Variants in PIK3C2A observed in about 807,000 individuals in gnomAD.
PIK3C2A encodes phosphatidylinositol 4-phosphate 3-kinase C2 domain-containing subunit alpha.
PIK3C2A carries 97 observed loss-of-function variants against 204.5 expected under a neutral mutation model. The observed-to-expected ratio is 0.47, with a 90% confidence interval of 0.40 to 0.56. The LOEUF (loss-of-function observed/expected upper bound fraction) is 0.56. PIK3C2A is among the 20% of genes least tolerant of loss of function. The pLI is 0.00. For missense variants in PIK3C2A, 1,735 were observed against 1,969.2 expected (o/e 0.88, Z 2.25); for synonymous variants, 653 against 664.4 (o/e 0.98, Z 0.26).
At chr11:17,101,742 C>T (rs1479556557) in intron 24 of PIK3C2A, among the ~76,000 whole-genome samples, 12 of 151,488 alleles carry the variant, frequency 7.9e-5, no homozygotes, top group East Asian at 2.0e-4. Flanking sequence ...TAGCCGGGAC[C>T]ACAGGGGCCC....
chr11:17,188,187 A>C (rs1851819977), intron 1 of PIK3C2A, among the ~76,000 whole-genome samples: 1 of 151,030 alleles, frequency 6.6e-6, no homozygotes, highest in South Asian at 2.1e-4. Context: ...AAAATACAAA[A>C]ATTAGCTGGG....
intron 2 of PIK3C2A, among the ~76,000 whole-genome samples, chr11:17,168,416 T>C (rs1460651703): frequency 6.6e-6 from 1 of 151,898 alleles, no homozygotes. Context: ...CCCGTCTCTA[T>C]TAAAAATACA....
chr11:17,110,373 C>G (rs575146927), intron 22 of PIK3C2A, 59 bp downstream of exon 22: 2 of 1,332,754 alleles, frequency 1.5e-6, no homozygotes, highest in East Asian at 2.4e-5. Context: ...ACGGCAGGTA[C>G]ACTTTAAGCT....
chr11:17,167,406 T>C (rs1851001433), intron 2 of PIK3C2A, among the ~76,000 whole-genome samples: 1 of 152,126 alleles, frequency 6.6e-6, no homozygotes, highest in Non-Finnish European at 1.5e-5. Flanking sequence ...GCTGATCACC[T>C]GAGGTCGGGA....
rs1430160925 is a variant in PIK3C2A at position 17,100,255 on chromosome 11, G to A, written c.4009-286C>T. On this transcript the variant is annotated intron_variant, in intron 25 of 32. Transcript: ENST00000691414. ...TAGGCTCTTTTTTTGGGGGCGGGGG[G>A]GGGGGGCAGGGAGCCGGGTGCGATC... 4.1e-4 allele frequency among the ~76,000 whole-genome samples: 49 copies of A among 119,118 alleles called. 1 individual carries two copies. Among genetic ancestry groups the A allele is most frequent in the Admixed American group, 3.7e-3 (43 of 11,488 alleles). 78.1% of individuals were successfully genotyped at this position (119,118 alleles called of 152,430 possible).
chr11:17,122,124 A>AGTCC, intron 15 of PIK3C2A, 64 bp downstream of exon 15: 1 of 953,220 alleles, frequency 1.0e-6, no homozygotes, highest in South Asian at 1.5e-5. Context: ...ATTTAATGTA[A>AGTCC]GTCCTAACTT....
rs2137249438 is a variant in PIK3C2A at position 17,086,891 on chromosome 11, C to T, written c.*2847G>A. The T allele has an allele frequency of 6.6e-6, 1 of 152,090 alleles. No homozygotes were observed. The highest frequency in any genetic ancestry group is 2.4e-5 in the African/African-American group (1 of 41,514). 9.4% of individuals were successfully genotyped at this position (152,090 alleles called of 1,614,324 possible). A position where few individuals can be genotyped will look rare whatever the true frequency, so the allele number is the denominator to read the frequency against. On this transcript the variant is annotated 3_prime_UTR_variant, in exon 33 of 33. Coordinates refer to ENST00000691414, the MANE Select transcript of PIK3C2A (RefSeq NM_002645.4). ...ATATTTGAATCCTAGAAAGAATAGG[C>T]AACTAATTTAAGGCAAGATATTGAA...
At chr11:17,118,069 T>A (rs1208822162) in intron 18 of PIK3C2A, among the ~76,000 whole-genome samples, 1 of 115,252 alleles carries the variant, frequency 8.7e-6, no homozygotes, top group Non-Finnish European at 1.9e-5. Context: ...AAGTTCAATT[T>A]TTTTTTCTTT....
Position 17,155,579 on chromosome 11 carries a change from T to C in PIK3C2A, c.1116A>G (p.Gln372=). 6.2e-7 allele frequency: 1 copy of C among 1,609,132 alleles called. No homozygotes were observed. Among genetic ancestry groups the C allele is most frequent in the Non-Finnish European group, 8.5e-7 (1 of 1,176,356 alleles). The change falls in exon 3 of 33, where the codon CAA becomes CAG. Residue 372 remains glutamine (Q), a synonymous_variant. Transcript: ENST00000691414. ...SSLPTGSSLL[Q]EVEVQNEEMA... ...TCTCCTCATTCTGTACTTCAACTTC[T>C]TGAAGAAGAGAACTTCCAGTTGGCA...
At chr11:17,205,030 A>C (rs907483263) in intron 1 of PIK3C2A, among the ~76,000 whole-genome samples, 1 of 151,728 alleles carries the variant, frequency 6.6e-6, no homozygotes, top group African/African-American at 2.4e-5. Context: ...TACAAAACTT[A>C]GGTGGGTGTG....
chr11:17,198,470 T>C (rs1042320279), intron 1 of PIK3C2A, among the ~76,000 whole-genome samples: 3 of 152,162 alleles, frequency 2.0e-5, no homozygotes, highest in African/African-American at 7.2e-5. Flanking sequence ...TTCTCATCTG[T>C]AAAACACAGA....
At chr11:17,159,044 A>T (rs1213537095) in intron 2 of PIK3C2A, among the ~76,000 whole-genome samples, 2 of 152,310 alleles carry the variant, frequency 1.3e-5, no homozygotes, top group Middle Eastern at 3.4e-3. Flanking sequence ...TTTCTGGAAT[A>T]AAAAATACAT....
At chr11:17,168,378 G>A (rs1267447368) in intron 2 of PIK3C2A, among the ~76,000 whole-genome samples, 1 of 152,076 alleles carries the variant, frequency 6.6e-6, no homozygotes, top group South Asian at 2.1e-4. Context: ...TCAGGAGATC[G>A]AGACCATTCT....
At chr11:17,106,393 C>G (rs1848818575) in intron 22 of PIK3C2A, among the ~76,000 whole-genome samples, 1 of 152,122 alleles carries the variant, frequency 6.6e-6, no homozygotes, top group African/African-American at 2.4e-5. Flanking sequence ...GCCTGGACGA[C>G]AGCGAGACCC....
At position 17,088,590 on chromosome 11, in the gene PIK3C2A, T is replaced by G. The variant is rs1848212801; in HGVS notation, c.*1148A>C. 6.6e-6 allele frequency: 1 copy of G among 152,248 alleles called. No homozygotes were observed. Among genetic ancestry groups the G allele is most frequent in the Non-Finnish European group, 1.5e-5 (1 of 68,048 alleles). The allele number at this position is 152,248 out of a possible 1,614,324, so 9.4% of individuals were successfully genotyped here. On this transcript the variant is annotated 3_prime_UTR_variant, in exon 33 of 33. Transcript: ENST00000691414. ...GTAGAATAATTTCAGTCCTGTCCCTTATGATTCTGAATCCAATTATATAAA... is the reference window on the plus strand; with the variant it reads ...GTAGAATAATTTCAGTCCTGTCCCTGATGATTCTGAATCCAATTATATAAA...
At chr11:17,119,421 T>A in intron 16 of PIK3C2A, 108 bp from the exon 17 acceptor site, 2 of 691,274 alleles carry the variant, frequency 2.9e-6, no homozygotes, top group Non-Finnish European at 2.6e-6. Context: ...CACTAAGATA[T>A]CTCTTTTATT....
At chr11:17,133,451 T>C (rs1349368231) in intron 11 of PIK3C2A, among the ~76,000 whole-genome samples, 2 of 152,212 alleles carry the variant, frequency 1.3e-5, no homozygotes, top group African/African-American at 2.4e-5. Context: ...TAAATATTTA[T>C]TGAATAAATT....
At chr11:17,172,917 C>A (rs148618152) in intron 1 of PIK3C2A, among the ~76,000 whole-genome samples, 1 of 152,184 alleles carries the variant, frequency 6.6e-6, no homozygotes, top group Non-Finnish European at 1.5e-5. Context: ...TTAACATTCC[C>A]GTTTAGATTC....
At chr11:17,177,717 C>G (rs1388085551) in intron 1 of PIK3C2A, among the ~76,000 whole-genome samples, 1 of 152,070 alleles carries the variant, frequency 6.6e-6, no homozygotes, top group Non-Finnish European at 1.5e-5. Flanking sequence ...GTGTTAGGAA[C>G]TATAAAAATT....
Sources: allele counts gnomAD v4.1 joint callset (sites outside exome capture counted in the v4.1 genomes callset), GRCh38; gene constraint gnomAD v4.1.1; transcripts MANE v1.5; gene names NCBI Gene and HGNC (gene_info 2026-07-23, HGNC 2026-07-21).